ZNF736: variants seen among roughly 807,000 people sequenced by gnomAD.
ZNF736 encodes KRAB-containing zinc-finger repressor protein.
In ZNF736, 6 loss-of-function variants were observed where a neutral mutation model predicts 11.7. The observed-to-expected ratio is 0.51, with a 90% CI of 0.28 to 1.01. The LOEUF (loss-of-function observed/expected upper bound fraction) is 1.01. Among genes scored for constraint, ZNF736 ranks in the 50% least tolerant of loss-of-function variants. The pLI is 0.09. For missense variants in ZNF736, 444 were observed against 496.0 expected (o/e 0.90, Z 1.00); for synonymous variants, 139 against 164.7 (o/e 0.84, Z 1.19).
chr7:64,331,997 G>C (rs1330486835), intron 1 of ZNF736, among the ~76,000 whole-genome samples: 1 of 152,142 alleles, frequency 6.6e-6, no homozygotes. Flanking sequence ...TGGGTGTGGT[G>C]GTTTCAGGGG....
At chr7:64,337,752 T>TG (rs1454386265) in intron 3 of ZNF736, among the ~76,000 whole-genome samples, 106 of 50,304 alleles carry the variant, frequency 2.1e-3, no homozygotes, top group South Asian at 4.9e-3. Context: ...TTTTGTTTTT[T>TG]TTGGTTTTTT....
chr7:64,318,259 G>A (rs539838607), intron 1 of ZNF736, among the ~76,000 whole-genome samples: 14 of 151,894 alleles, frequency 9.2e-5, no homozygotes, highest in African/African-American at 3.4e-4. Context: ...TAATATCTTA[G>A]CATTTTGTCT....
chr7:64,319,689 G>A (rs1424132235), intron 1 of ZNF736, among the ~76,000 whole-genome samples: 1 of 151,308 alleles, frequency 6.6e-6, no homozygotes, highest in Non-Finnish European at 1.5e-5. Context: ...TAGAGACAGG[G>A]TTTCACCATG....
intron 1 of ZNF736, among the ~76,000 whole-genome samples, chr7:64,323,618 T>G (rs1789032570): frequency 6.6e-6 from 1 of 152,164 alleles, no homozygotes; most frequent in Non-Finnish European, 1.5e-5. Flanking sequence ...GCCGCTATTC[T>G]CAGCAAACTT....
Position 64,348,841 on chromosome 7 carries a change from G to T in ZNF736, c.978G>T (p.Ser326=). 6.3e-7 allele frequency: 1 copy of T among 1,585,546 alleles called. No individual in the cohort carries two copies. The highest frequency in any genetic ancestry group is 8.6e-7 in the Non-Finnish European group (1 of 1,167,926). Residue 326 remains serine, a synonymous_variant, in exon 4 of 4, where the codon TCG becomes TCT. Coordinates refer to ENST00000423484, the MANE Select transcript of ZNF736 (RefSeq NM_001170905.3). The part of the protein sequence containing the change: ...NECGKAFKWF[S]ALSKHKRIHT... ...GTGGAAAAGCTTTTAAGTGGTTCTCGGCCCTTAGTAAACATAAGAGAATTC... is the reference window on the plus strand; with the variant it reads ...GTGGAAAAGCTTTTAAGTGGTTCTCTGCCCTTAGTAAACATAAGAGAATTC...
intron 1 of ZNF736, among the ~76,000 whole-genome samples, chr7:64,328,500 C>T (rs1789112947): frequency 6.6e-6 from 1 of 152,090 alleles, no homozygotes. Flanking sequence ...GTGGCTCACG[C>T]CTGTAATCCC....
rs538950459 is a variant in ZNF736, at chr7:64,356,079, A to G, written c.*6932A>G. On this transcript the variant is annotated 3_prime_UTR_variant, in exon 4 of 4. Coordinates refer to ENST00000423484, the MANE Select transcript of ZNF736 (RefSeq NM_001170905.3). ...GAATTGGGTGATTTTTTAAAGTAAT[A>G]TAAATAATAGGTTTGTTCTGTATAT... 3 of 156,496 alleles carry G rather than the reference A, an allele frequency of 1.9e-5. No homozygotes were observed. Among genetic ancestry groups the G allele is most frequent in the Admixed American group, 6.3e-5 (1 of 15,772 alleles). 9.7% of individuals were successfully genotyped at this position (156,496 alleles called of 1,614,324 possible).
At chr7:64,327,663 A>G (rs1789101113) in intron 1 of ZNF736, among the ~76,000 whole-genome samples, 1 of 151,960 alleles carries the variant, frequency 6.6e-6, no homozygotes, top group Non-Finnish European at 1.5e-5. Context: ...GATTTTTTCT[A>G]GTGGTACGTT....
chr7:64,328,955 AT>A (rs71060588), intron 1 of ZNF736, among the ~76,000 whole-genome samples: 88,316 of 146,252 alleles, frequency 0.6, 27,478 homozygotes, highest in African/African-American at 0.79. Flanking sequence ...TCTTGAGGCT[AT>A]TTTTTTTTTT....
At chr7:64,345,092 C>T (rs1292769679) in intron 3 of ZNF736, among the ~76,000 whole-genome samples, 3 of 151,360 alleles carry the variant, frequency 2.0e-5, no homozygotes, top group East Asian at 2.0e-4. Flanking sequence ...GGCGCGATCT[C>T]GGCTCACTGC....
chr7:64,342,362 A>G (rs1344087), intron 3 of ZNF736, among the ~76,000 whole-genome samples: 52,004 of 151,976 alleles, frequency 0.34, 9,565 homozygotes, highest in African/African-American at 0.49. Flanking sequence ...GTACAAGAAA[A>G]TCTAAACATC....
intron 1 of ZNF736, among the ~76,000 whole-genome samples, chr7:64,332,387 T>G (rs967294142): frequency 6.6e-6 from 1 of 151,968 alleles, no homozygotes; most frequent in Non-Finnish European, 1.5e-5. Context: ...TATTAAGGGT[T>G]TCAAAAGGGG....
chr7:64,321,285 G>A (rs576039260), intron 1 of ZNF736, among the ~76,000 whole-genome samples: 26 of 152,306 alleles, frequency 1.7e-4, no homozygotes, highest in African/African-American at 5.5e-4. Flanking sequence ...GTTGCCTAGA[G>A]CACCCAAATG....
rs1584280773 is a variant in ZNF736 at position 64,354,919 on chromosome 7, A to G, written c.*5772A>G. ...TGGCATATACATGAAGTAAACAAAG[A>G]CAATACTAGCTATGTAATAGAAGCT... On this transcript the variant is annotated 3_prime_UTR_variant, in exon 4 of 4. Transcript: ENST00000423484. The G allele has an allele frequency of 6.6e-6, 1 of 152,250 alleles. No individual in the cohort carries two copies. Among genetic ancestry groups the G allele is most frequent in the African/African-American group, 2.4e-5 (1 of 41,468 alleles). 9.4% of individuals were successfully genotyped at this position (152,250 alleles called of 1,614,324 possible).
In ZNF736 at chr7:64,350,626, T is replaced by G. The variant is rs1789472399; in HGVS notation, c.*1479T>G. ...GCTTTTTGTGTTTTTATCTTTGCAC[T>G]GATTGTGTCTTATCTTTGTGGGCAT... On this transcript the variant is annotated 3_prime_UTR_variant, in exon 4 of 4. Coordinates refer to ENST00000423484, the MANE Select transcript of ZNF736 (RefSeq NM_001170905.3). 6.6e-6 allele frequency: 1 copy of G among 152,166 alleles called. No individual in the cohort carries two copies. The highest frequency in any genetic ancestry group is 2.4e-5 in the African/African-American group (1 of 41,424). The allele number at this position is 152,166 out of a possible 1,614,324, so 9.4% of individuals were successfully genotyped here.
Position 64,313,990 on chromosome 7 carries a change from T to A in ZNF736, c.-161T>A. 2 of 945,742 alleles carry A rather than the reference T, an allele frequency of 2.1e-6. No homozygotes were observed. The highest frequency in any genetic ancestry group is 3.2e-6 in the Non-Finnish European group (2 of 621,100). 58.6% of individuals were successfully genotyped at this position (945,742 alleles called of 1,614,324 possible). ...CCTCTTCAATATGGCGGGGCCTTTG[T>A]CTCCTAGCTTCCGGGCTCTGATCCT... On this transcript the variant is annotated 5_prime_UTR_variant, in exon 1 of 4. Coordinates refer to ENST00000423484, the MANE Select transcript of ZNF736 (RefSeq NM_001170905.3).
At chr7:64,342,001 A>G (rs1789344629) in intron 3 of ZNF736, among the ~76,000 whole-genome samples, 1 of 152,216 alleles carries the variant, frequency 6.6e-6, no homozygotes, top group East Asian at 1.9e-4. Context: ...AATGTCATGG[A>G]GGACAATTTT....
At position 64,350,768 on chromosome 7, in the gene ZNF736, T is replaced by TTTTTG. The variant is rs71060590; in HGVS notation, c.*1650_*1654dup. On this transcript the variant is annotated 3_prime_UTR_variant, in exon 4 of 4. Coordinates refer to ENST00000423484, the MANE Select transcript of ZNF736 (RefSeq NM_001170905.3). ...AACAGGCTTTGTTCCTGGGAGGTTTTTTTTGTTTTGTTTTGTTTTGTTTTG... is the reference window on the plus strand; with the variant it reads ...AACAGGCTTTGTTCCTGGGAGGTTTTTTTTGTTTTGTTTTGTTTTGTTTTGTTTTG... The TTTTTG allele has an allele frequency of 0.13, 19,261 of 146,476 alleles. 1,512 individuals are homozygous for TTTTTG. Among genetic ancestry groups the TTTTTG allele is most frequent in the East Asian group, 0.34 (1,685 of 4,936 alleles). The allele number at this position is 146,476 out of a possible 1,614,324, so 9.1% of individuals were successfully genotyped here.
chr7:64,328,096 T>TTGTC (rs142213810), intron 1 of ZNF736, among the ~76,000 whole-genome samples: 138,904 of 151,860 alleles, frequency 0.91, 63,643 homozygotes, highest in Non-Finnish European at 0.94. Flanking sequence ...AATTTTGTCT[T>TTGTC]TGTGTCCTTC....
Sources: allele counts gnomAD v4.1 joint callset (sites outside exome capture counted in the v4.1 genomes callset), GRCh38; gene constraint gnomAD v4.1.1; transcripts MANE v1.5; gene names NCBI Gene and HGNC (gene_info 2026-07-23, HGNC 2026-07-21).